The following ALK variants were observed in gnomAD, a reference collection of about 807,000 sequenced individuals.
ALK encodes ALK tyrosine kinase receptor.
In ALK, 74 loss-of-function variants were observed where a neutral mutation model predicts 163.1. That is an observed-to-expected ratio of 0.45 (90% CI 0.38 to 0.55). ALK has a LOEUF of 0.55. Ranked by LOEUF, ALK falls within the 20% of genes least tolerant of loss-of-function variation. The probability of loss-of-function intolerance (pLI) is 0.00; values close to 1 mark genes in which losing one functional copy is unlikely to be tolerated. For synonymous variants in ALK, 960 were observed against 843.2 expected (o/e 1.14, Z -2.40); for missense variants, 2,063 against 2,105.3 (o/e 0.98, Z 0.39).
chr2:29,740,713 G>A (rs1680034168), intron 1 of ALK, among the ~76,000 whole-genome samples: 1 of 152,132 alleles, frequency 6.6e-6, no homozygotes, highest in African/African-American at 2.4e-5. Flanking sequence ...AAAGAAATGT[G>A]CTATTAGGCT....
chr2:29,296,306 C>A (rs529093397), intron 9 of ALK, among the ~76,000 whole-genome samples: 2 of 152,222 alleles, frequency 1.3e-5, no homozygotes, highest in Admixed American at 6.5e-5. Flanking sequence ...TATCAACCTG[C>A]CTCAGGACCT....
intron 3 of ALK, among the ~76,000 whole-genome samples, chr2:29,658,990 A>T (rs1677271110): frequency 6.6e-6 from 1 of 152,150 alleles, no homozygotes; most frequent in South Asian, 2.1e-4. Context: ...GAGAGAGCTC[A>T]TTATCTCAAG....
At chr2:29,477,271 TC>T (rs1224901028) in intron 4 of ALK, among the ~76,000 whole-genome samples, 1 of 152,126 alleles carries the variant, frequency 6.6e-6, no homozygotes, top group East Asian at 1.9e-4. Context: ...AGAGGCAGCA[TC>T]ATGCTAAAGA....
chr2:29,791,236 C>T (rs1401049429), intron 1 of ALK, among the ~76,000 whole-genome samples: 1 of 152,136 alleles, frequency 6.6e-6, no homozygotes, highest in East Asian at 1.9e-4. Flanking sequence ...AACCCAAATG[C>T]CCATCAATGA....
intron 4 of ALK, among the ~76,000 whole-genome samples, chr2:29,469,833 A>G: frequency 6.6e-6 from 1 of 152,316 alleles, no homozygotes; most frequent in South Asian, 2.1e-4. Context: ...AAGAACAACA[A>G]CCTTTAGAGC....
chr2:29,247,337 T>C (rs570094199), intron 12 of ALK, among the ~76,000 whole-genome samples: 1 of 152,334 alleles, frequency 6.6e-6, no homozygotes, highest in African/African-American at 2.4e-5. Context: ...AGCATCCTAA[T>C]TGGTGCTTAC....
intron 23 of ALK, among the ~76,000 whole-genome samples, chr2:29,215,094 G>GTGTT (rs1312272438): frequency 2.6e-5 from 4 of 152,358 alleles, no homozygotes; most frequent in Non-Finnish European, 1.5e-5. Flanking sequence ...CCCAAGAAAG[G>GTGTT]TGTTTGTTTA....
intron 1 of ALK, among the ~76,000 whole-genome samples, chr2:29,859,460 C>T (rs570741126): frequency 8.9e-4 from 136 of 152,312 alleles, no homozygotes; most frequent in African/African-American, 3.0e-3. Context: ...TTCAAAACTA[C>T]TTAGACTTCA....
chr2:29,573,378 C>T (rs1674433303), intron 3 of ALK, among the ~76,000 whole-genome samples: 1 of 152,186 alleles, frequency 6.6e-6, no homozygotes, highest in Middle Eastern at 3.2e-3. Context: ...GCATCAAGGC[C>T]AAATCCAGTC....
intron 1 of ALK, among the ~76,000 whole-genome samples, chr2:29,858,395 C>T (rs13035485): frequency 0.51 from 77,746 of 151,672 alleles, 20,369 homozygotes; most frequent in African/African-American, 0.55. Context: ...AACCACCCCC[C>T]TCTCGCACAG....
intron 11 of ALK, among the ~76,000 whole-genome samples, chr2:29,255,878 G>C (rs765669178): frequency 6.6e-5 from 10 of 152,066 alleles, no homozygotes; most frequent in Non-Finnish European, 1.2e-4. Flanking sequence ...ACCTCTCTTA[G>C]CTGTGCACTG....
At chr2:29,481,340 T>C (rs1029650390) in intron 4 of ALK, among the ~76,000 whole-genome samples, 3 of 152,228 alleles carry the variant, frequency 2.0e-5, no homozygotes, top group African/African-American at 2.4e-5. Context: ...CAAATTTAGA[T>C]TTAAAATAGA....
chr2:29,468,292 G>T (rs983795977), intron 4 of ALK, among the ~76,000 whole-genome samples: 1 of 152,156 alleles, frequency 6.6e-6, no homozygotes, highest in African/African-American at 2.4e-5. Flanking sequence ...CTCCCAAAGT[G>T]CTGGGATTAC....
intron 3 of ALK, among the ~76,000 whole-genome samples, chr2:29,589,886 T>C (rs1472326425): frequency 6.6e-6 from 1 of 152,200 alleles, no homozygotes; most frequent in African/African-American, 2.4e-5. Flanking sequence ...TGGAAGCACT[T>C]TGGCAGAAAG....
intron 1 of ALK, among the ~76,000 whole-genome samples, chr2:29,884,692 G>T (rs1666946119): frequency 6.6e-6 from 1 of 152,182 alleles, no homozygotes. Context: ...ACTGGAGAAG[G>T]TAATGTCAGC....
intron 5 of ALK, among the ~76,000 whole-genome samples, chr2:29,352,023 C>T (rs1029600915): frequency 1.3e-5 from 2 of 152,212 alleles, no homozygotes; most frequent in African/African-American, 2.4e-5. Context: ...CCAGCTGCCC[C>T]GTCATAAGGA....
chr2:29,575,297 T>C (rs1385975114), intron 3 of ALK, among the ~76,000 whole-genome samples: 3 of 152,238 alleles, frequency 2.0e-5, no homozygotes, highest in Non-Finnish European at 2.9e-5. Context: ...CGAGATTCCA[T>C]TGACACGGCC....
At chr2:29,809,540 G>A (rs568245924) in intron 1 of ALK, among the ~76,000 whole-genome samples, 46 of 152,282 alleles carry the variant, frequency 3.0e-4, no homozygotes, top group African/African-American at 7.0e-4. Flanking sequence ...TTTTATCTCC[G>A]TGAGGGAGTT....
At chr2:29,895,899 G>A (rs1667256075) in intron 1 of ALK, among the ~76,000 whole-genome samples, 1 of 152,164 alleles carries the variant, frequency 6.6e-6, no homozygotes. Flanking sequence ...TAGGCTACAG[G>A]TTATGGGTCT....
Sources: gnomAD v4.1 joint callset for allele counts (sites outside exome capture counted in the v4.1 genomes callset) on GRCh38, gnomAD v4.1.1 for gene constraint, MANE v1.5 for transcripts, NCBI Gene and HGNC (gene_info 2026-07-23, HGNC 2026-07-21) for gene names.